Variants in SGPP2 observed in about 807,000 individuals in gnomAD.
SGPP2 encodes sphingosine 1-phosphate phosphohydrolase 2.
SGPP2 carries 30 observed loss-of-function variants against 33.9 expected under a neutral mutation model. That is an observed-to-expected ratio of 0.89 (90% confidence interval 0.66 to 1.20). The LOEUF (loss-of-function observed/expected upper bound fraction) is 1.20, where lower values mean the gene tolerates loss of function less well. SGPP2 is among the 50% of genes most tolerant of loss of function. The pLI is 0.00. For synonymous variants in SGPP2, 233 were observed against 225.0 expected (o/e 1.04, Z -0.32); for missense variants, 458 against 532.1 (o/e 0.86, Z 1.37).
chr2:222,548,995 G>A (rs771883568), intron 4 of SGPP2, among the ~76,000 whole-genome samples: 6 of 152,190 alleles, frequency 3.9e-5, no homozygotes, highest in Admixed American at 6.5e-5. Flanking sequence ...GTTTCAGTTT[G>A]TTTTAATGTC....
chr2:222,494,316 A>AT (rs1698243142), intron 2 of SGPP2, among the ~76,000 whole-genome samples: 1 of 152,236 alleles, frequency 6.6e-6, no homozygotes. Flanking sequence ...ATTTGTTGTA[A>AT]TTTCGTCTTT....
intron 4 of SGPP2, 54 bp from the exon 5 acceptor site, chr2:222,558,293 G>A: frequency 6.4e-7 from 1 of 1,564,720 alleles, no homozygotes; most frequent in Non-Finnish European, 8.8e-7. Context: ...AATTATACCT[G>A]TATACAAGGA....
chr2:222,542,971 C>T (rs1030081464), intron 4 of SGPP2, among the ~76,000 whole-genome samples: 2 of 152,018 alleles, frequency 1.3e-5, no homozygotes, highest in African/African-American at 4.8e-5. Context: ...TATTATTACT[C>T]ATAGAGATGA....
At chr2:222,446,085 G>A (rs1317933062) in intron 1 of SGPP2, among the ~76,000 whole-genome samples, 1 of 152,202 alleles carries the variant, frequency 6.6e-6, no homozygotes, top group Non-Finnish European at 1.5e-5. Context: ...ATCTGCCCTT[G>A]AATGCTAGGT....
chr2:222,509,331 C>G (rs1300082522), intron 2 of SGPP2, among the ~76,000 whole-genome samples: 1 of 151,798 alleles, frequency 6.6e-6, no homozygotes, highest in Non-Finnish European at 1.5e-5. Context: ...ACATGTCCCC[C>G]CAAAAGATGT....
chr2:222,467,340 A>G (rs1697761951), intron 1 of SGPP2, among the ~76,000 whole-genome samples: 1 of 152,138 alleles, frequency 6.6e-6, no homozygotes, highest in African/African-American at 2.4e-5. Context: ...ATCAACAGCC[A>G]TGTCCTGTTG....
chr2:222,505,515 T>C (rs552847251), intron 2 of SGPP2, among the ~76,000 whole-genome samples: 96 of 152,254 alleles, frequency 6.3e-4, no homozygotes, highest in Non-Finnish European at 1.2e-3. Flanking sequence ...AGATGAAAGA[T>C]GTAGCCTAGA....
chr2:222,424,458 G>A, upstream of SGPP2: 1 of 293,120 alleles, frequency 3.4e-6, no homozygotes, highest in Non-Finnish European at 5.6e-6. Flanking sequence ...CCCGGGCGGC[G>A]CACCTGTTGG....
At position 222,424,710 on chromosome 2, in the gene SGPP2, G is replaced by A. The variant is rs780039058; in HGVS notation, c.108G>A (p.Ala36=). The change falls in exon 1 of 5, where the codon GCG becomes GCA. Residue 36 remains alanine, a synonymous_variant. Coordinates refer to ENST00000321276, the MANE Select transcript of SGPP2 (RefSeq NM_152386.4). ...ATGAAGGCCCCCGGGAGAACGGCGC[G>A]GACCCCACGGAGCGCGCGGCGCGGG... ...APDEGPRENG[A]DPTERAARVP... is the part of the protein sequence containing the mutation. The A allele has an allele frequency of 9.0e-6, 13 of 1,445,716 alleles. No individual in the cohort carries two copies. The East Asian group carries it at 2.1e-4, about 24-fold the overall frequency. 89.6% of individuals were successfully genotyped at this position (1,445,716 alleles called of 1,614,324 possible). A position where few individuals can be genotyped will look rare whatever the true frequency, so the allele number is the denominator to read the frequency against.
chr2:222,450,675 G>A (rs1282895406), intron 1 of SGPP2, among the ~76,000 whole-genome samples: 1 of 152,158 alleles, frequency 6.6e-6, no homozygotes, highest in African/African-American at 2.4e-5. Flanking sequence ...GCTGGCAGAC[G>A]ACCTAATGGG....
chr2:222,452,510 C>G, intron 1 of SGPP2: 2 of 919,284 alleles, frequency 2.2e-6, no homozygotes, highest in African/African-American at 1.6e-5. Context: ...CTTTCCCCAG[C>G]AGTTTCCAAG....
chr2:222,530,427 G>A (rs926698885), intron 4 of SGPP2, among the ~76,000 whole-genome samples: 1 of 152,194 alleles, frequency 6.6e-6, no homozygotes, highest in Non-Finnish European at 1.5e-5. Context: ...AATGACCTTA[G>A]CTAGATTTTC....
At chr2:222,488,207 A>G (rs1044284407) in intron 2 of SGPP2, among the ~76,000 whole-genome samples, 12 of 152,214 alleles carry the variant, frequency 7.9e-5, no homozygotes, top group African/African-American at 2.4e-4. Flanking sequence ...GCAATCATTA[A>G]TGGTCCTCTG....
At chr2:222,424,355 G>T (rs1431100707), upstream of SGPP2, among the ~76,000 whole-genome samples, 2 of 152,074 alleles carry the variant, frequency 1.3e-5, no homozygotes, top group Admixed American at 6.5e-5. Context: ...TCCTGCCCCC[G>T]TGGCCGCCCG....
intron 1 of SGPP2, among the ~76,000 whole-genome samples, chr2:222,441,816 AAATT>A (rs1305512612): frequency 6.6e-6 from 1 of 152,220 alleles, no homozygotes; most frequent in Non-Finnish European, 1.5e-5. Flanking sequence ...AACCTTAAAT[AAATT>A]ATCATTGACA....
rs1198943558 is a variant in SGPP2 at position 222,452,633 on chromosome 2, G to T, written c.220-21935G>T. ...GATTGTTCCAGAACTGGGTGCACCA[G>T]GTCTGAGTGTTCCAGGAGTAGTTGC... On this transcript the variant is annotated intron_variant, in intron 1 of 4. Transcript: ENST00000321276. 14 of 1,372,034 alleles carry T rather than the reference G, an allele frequency of 1.0e-5. No individual in the cohort carries two copies. In the South Asian group the frequency reaches 1.6e-4, roughly 16 times the overall value. The allele number at this position is 1,372,034 out of a possible 1,614,324, so 85.0% of individuals were successfully genotyped here.
chr2:222,498,028 G>T (rs1324421878), intron 2 of SGPP2, among the ~76,000 whole-genome samples: 1 of 152,104 alleles, frequency 6.6e-6, no homozygotes, highest in East Asian at 1.9e-4. Context: ...TGGTAGAAAT[G>T]ACTTTCTTCT....
At chr2:222,513,412 G>C (rs114304453) in intron 2 of SGPP2, among the ~76,000 whole-genome samples, 64 of 152,040 alleles carry the variant, frequency 4.2e-4, no homozygotes, top group Non-Finnish European at 8.8e-4. Flanking sequence ...AAATGATCTC[G>C]TCTATCTTAT....
At chr2:222,509,570 C>T (rs150175455) in intron 2 of SGPP2, among the ~76,000 whole-genome samples, 85 of 152,202 alleles carry the variant, frequency 5.6e-4, no homozygotes, top group African/African-American at 1.9e-3. Context: ...GCCCTGTGGA[C>T]GGGCAGAATT....
Sources: gnomAD v4.1 joint callset for allele counts (sites outside exome capture counted in the v4.1 genomes callset) on GRCh38, gnomAD v4.1.1 for gene constraint, MANE v1.5 for transcripts, NCBI Gene and HGNC (gene_info 2026-07-23, HGNC 2026-07-21) for gene names.